KDM3A: variants seen among roughly 807,000 people sequenced by gnomAD.
The protein encoded by KDM3A is lysine demethylase 3A.
In KDM3A, 60 loss-of-function variants were observed where a neutral mutation model predicts 158.0. That is an observed-to-expected ratio of 0.38 (90% CI 0.31 to 0.47). The LOEUF (loss-of-function observed/expected upper bound fraction) is 0.47, where lower values mean the gene tolerates loss of function less well. Ranked by LOEUF, KDM3A falls within the 20% of genes least tolerant of loss-of-function variation. KDM3A has a pLI of 0.99. For missense variants in KDM3A, 1,319 were observed against 1,574.3 expected, an observed-to-expected ratio of 0.84 and a Z score of 2.74; for synonymous variants, 608 against 549.3, an observed-to-expected ratio of 1.11 and a Z score of -1.49.
chr2:86,482,133 T>G (rs921036659), intron 17 of KDM3A, 31 bp downstream of exon 17: 2 of 1,604,778 alleles, frequency 1.2e-6, no homozygotes, highest in Non-Finnish European at 1.7e-6. Flanking sequence ...ATTCCATGTT[T>G]TAAAGTTGAA....
chr2:86,457,870 G>C (rs1191165006), intron 8 of KDM3A, among the ~76,000 whole-genome samples: 1 of 152,182 alleles, frequency 6.6e-6, no homozygotes, highest in Non-Finnish European at 1.5e-5. Context: ...TGTGGGTTCA[G>C]GTACCAGATT....
chr2:86,446,083 A>G (rs1183945833), intron 2 of KDM3A, among the ~76,000 whole-genome samples: 1 of 152,208 alleles, frequency 6.6e-6, no homozygotes, highest in East Asian at 1.9e-4. Flanking sequence ...AGTTTATTAG[A>G]TACAATATTA....
rs369518183 is a variant in KDM3A at position 86,474,701 on chromosome 2, TTGTGTGTG to T, written c.1725-41_1725-34del. 1.2e-3 allele frequency: 510 copies of T among 429,156 alleles called. 1 individual carries two copies. Among genetic ancestry groups the T allele is most frequent in the African/African-American group, 2.7e-3 (113 of 42,298 alleles). The allele number at this position is 429,156 out of a possible 1,614,324, so 26.6% of individuals were successfully genotyped here. ...AAAGTAATTACAAGTTGTAAATAAG[TTGTGTGTG>T]TGTGTGTGTGTGTGTGTGTGTGTGT... On this transcript the variant is annotated intron_variant, in intron 11 of 25. Coordinates refer to ENST00000312912, the MANE Select transcript of KDM3A (RefSeq NM_018433.6).
chr2:86,467,717 T>A (rs1459178528), intron 10 of KDM3A, among the ~76,000 whole-genome samples: 1 of 152,154 alleles, frequency 6.6e-6, no homozygotes, highest in African/African-American at 2.4e-5. Flanking sequence ...GGGAAATTGA[T>A]ATGGATTTTG....
chr2:86,487,117 A>G (rs370016512), intron 21 of KDM3A: 7 of 152,304 alleles, frequency 4.6e-5, no homozygotes, highest in East Asian at 1.9e-4. Context: ...CATTTTTCCA[A>G]TAAATTGTAT....
chr2:86,473,269 TC>T, intron 11 of KDM3A, among the ~76,000 whole-genome samples: 1 of 152,302 alleles, frequency 6.6e-6, no homozygotes, highest in South Asian at 2.1e-4. Context: ...CAAGTGATCC[TC>T]CCATCTCAGC....
chr2:86,439,804 A>T (rs1682589138), upstream of KDM3A, among the ~76,000 whole-genome samples: 1 of 152,156 alleles, frequency 6.6e-6, no homozygotes, highest in Non-Finnish European at 1.5e-5. Flanking sequence ...TATCTTTAAT[A>T]TAAAATCCTT....
intron 2 of KDM3A, among the ~76,000 whole-genome samples, chr2:86,444,931 T>C (rs1447623959): frequency 6.6e-6 from 1 of 152,214 alleles, no homozygotes; most frequent in African/African-American, 2.4e-5. Flanking sequence ...TGGATAACTA[T>C]GATTAAATGG....
intron 2 of KDM3A, among the ~76,000 whole-genome samples, chr2:86,442,931 A>G (rs1464337902): frequency 6.6e-6 from 1 of 152,150 alleles, no homozygotes; most frequent in Non-Finnish European, 1.5e-5. Context: ...AATTGGGAAC[A>G]AGTGCGGCCA....
rs1364346520 is a variant in KDM3A, at chr2:86,457,031, A to G, written c.803A>G (p.Asn268Ser). The change falls in exon 8 of 26, where the codon AAT becomes AGT. Residue 268 changes from asparagine to serine, a missense_variant. Transcript: ENST00000312912. The stretch of plus-strand genomic sequence containing the variant: ...GTAAAACGCAAGTCTTCTGAGAATA[A>G]TGGAACCCTGGTTTCCAAACAAGCA... ...GAVKRKSSEN[N>S]GTLVSKQAKS... 2 of 1,598,364 alleles carry G rather than the reference A, an allele frequency of 1.3e-6. No individual in the cohort carries two copies. Among genetic ancestry groups the G allele is most frequent in the Non-Finnish European group, 1.7e-6 (2 of 1,170,478 alleles).
intron 12 of KDM3A, 70 bp from the exon 13 acceptor site, chr2:86,477,807 C>A (rs888435922): frequency 7.0e-7 from 1 of 1,427,788 alleles, no homozygotes; most frequent in South Asian, 1.4e-5. Context: ...TGACAATAAC[C>A]CCTACCTTTC....
At chr2:86,465,623 G>C (rs1362256242) in intron 9 of KDM3A, among the ~76,000 whole-genome samples, 1 of 152,056 alleles carries the variant, frequency 6.6e-6, no homozygotes, top group South Asian at 2.1e-4. Flanking sequence ...TGCCCAGTCT[G>C]GTCATGAACT....
At chr2:86,477,358 TG>T (rs1246092868) in intron 12 of KDM3A, among the ~76,000 whole-genome samples, 1 of 152,196 alleles carries the variant, frequency 6.6e-6, no homozygotes, top group African/African-American at 2.4e-5. Flanking sequence ...CTGAGAACCT[TG>T]GAGTTTTTAA....
intron 17 of KDM3A, 99 bp downstream of exon 17, chr2:86,482,201 A>G: frequency 3.0e-6 from 4 of 1,352,592 alleles, no homozygotes; most frequent in Non-Finnish European, 4.2e-6. Context: ...AGACTGAATC[A>G]CATACTTACC....
chr2:86,491,579 C>G lies in KDM3A; in HGVS notation c.3885+304C>G, dbSNP rs144302090. 927 of 399,180 alleles carry G rather than the reference C, an allele frequency of 2.3e-3. 12 individuals carry two copies. Among genetic ancestry groups the G allele is most frequent in the African/African-American group, 0.017 (848 of 50,090 alleles). 24.7% of individuals were successfully genotyped at this position (399,180 alleles called of 1,614,324 possible). ...TCTTGGCCCAGCTGCCTGTCGGGGTCTTGAACACAGTGCTTAACCTTCAGT... is the reference window on the plus strand; with the variant it reads ...TCTTGGCCCAGCTGCCTGTCGGGGTGTTGAACACAGTGCTTAACCTTCAGT... On this transcript the variant is annotated intron_variant, in intron 25 of 25. Coordinates refer to ENST00000312912, the MANE Select transcript of KDM3A (RefSeq NM_018433.6).
In KDM3A at chr2:86,492,071, T is replaced by C. The variant is rs1169278934; in HGVS notation, c.3918T>C (p.Asp1306=). 4.3e-6 allele frequency: 7 copies of C among 1,613,616 alleles called. No homozygotes were observed. The highest frequency in any genetic ancestry group is 5.1e-6 in the Non-Finnish European group (6 of 1,179,634). Residue 1306 remains aspartate, a synonymous_variant, in exon 26 of 26, where the codon GAT becomes GAC. Coordinates refer to ENST00000312912, the MANE Select transcript of KDM3A (RefSeq NM_018433.6). ...ATGTTATCTACCATGCAGTGAAAGA[T>C]GCAGTTGCTATGCTGAAAGCCAGTG... ...VKNVIYHAVK[D]AVAMLKASES...
chr2:86,441,807 G>T lies in KDM3A; in HGVS notation c.-30-211G>T, dbSNP rs1445835074. Among the ~76,000 whole-genome samples the T allele has an allele frequency of 2.0e-5, 3 of 150,192 alleles. No individual in the cohort carries two copies. In the East Asian group the frequency reaches 5.9e-4, roughly 30 times the overall value. On this transcript the variant is annotated intron_variant, in intron 1 of 25. Transcript: ENST00000312912. ...GAGCTGTTAGAAAAGCCAAACTTGG[G>T]AGAGCGAGGGTCACGCGGCGCTGGG...
chr2:86,467,080 A>G (rs1473644733), intron 10 of KDM3A, among the ~76,000 whole-genome samples, 197 bp downstream of exon 10: 1 of 152,222 alleles, frequency 6.6e-6, no homozygotes, highest in East Asian at 1.9e-4. Flanking sequence ...GGTTTCATGT[A>G]TATAGAAATA....
upstream of KDM3A, among the ~76,000 whole-genome samples, chr2:86,438,195 T>C (rs1682522518): frequency 6.6e-6 from 1 of 152,180 alleles, no homozygotes; most frequent in Non-Finnish European, 1.5e-5. Flanking sequence ...AAATGAAGTA[T>C]ATAAAATTTT....
Sources: allele counts gnomAD v4.1 joint callset (sites outside exome capture counted in the v4.1 genomes callset), GRCh38; gene constraint gnomAD v4.1.1; transcripts MANE v1.5; gene names NCBI Gene and HGNC (gene_info 2026-07-23, HGNC 2026-07-21).